MCPH1: variants seen among roughly 807,000 people sequenced by gnomAD.
MCPH1 encodes microcephalin 1.
A neutral mutation model predicts 84.5 loss-of-function variants in MCPH1; 104 were observed. The observed-to-expected ratio is 1.23, with a 90% confidence interval of 1.05 to 1.45. The LOEUF is 1.45. Ranked by LOEUF, MCPH1 falls within the 40% of genes most tolerant of loss-of-function variation. MCPH1 has a pLI of 0.00. For synonymous variants in MCPH1, 514 were observed against 366.8 expected, an observed-to-expected ratio of 1.40 and a Z score of -4.58; for missense variants, 1,498 against 1,005.7, an observed-to-expected ratio of 1.49 and a Z score of -6.62.
At chr8:6,586,721 C>G (rs1461209382) in intron 12 of MCPH1, among the ~76,000 whole-genome samples, 4 of 152,212 alleles carry the variant, frequency 2.6e-5, no homozygotes, top group East Asian at 3.8e-4. Context: ...GAGCTTCAAG[C>G]CATTCATTTC....
At position 6,419,674 on chromosome 8, in the gene MCPH1, G is replaced by A. The variant is rs201467246; in HGVS notation, c.233+4791G>A. ...GCCTTGGCCTCCCAAAGTGCAACCC[G>A]GCATTAAAGAATTTTTTTTATAGAG... On this transcript the variant is annotated intron_variant, in intron 3 of 13. Transcript: ENST00000344683. 4.0e-5 allele frequency among the ~76,000 whole-genome samples: 6 copies of A among 151,560 alleles called. No individual in the cohort carries two copies. In the East Asian group the frequency reaches 7.7e-4, roughly 20 times the overall value.
rs573257875 is a variant in MCPH1 at position 6,435,381 on chromosome 8, A to G, written c.322-667A>G. Among the ~76,000 whole-genome samples the G allele has an allele frequency of 9.2e-5, 14 of 152,042 alleles. No homozygotes were observed. In the South Asian group the frequency reaches 2.9e-3, roughly 32 times the overall value. On this transcript the variant is annotated intron_variant, in intron 4 of 13. Transcript: ENST00000344683. ...TTGCCTGGCAAGGAGACAGGAGGAA[A>G]CTCTCAAATCCGCCTCCCTGAGGTG... is the stretch of plus-strand genomic sequence containing the variant.
chr8:6,546,205 C>A (rs1487739019), intron 12 of MCPH1, among the ~76,000 whole-genome samples: 8 of 152,170 alleles, frequency 5.3e-5, no homozygotes, highest in Non-Finnish European at 1.2e-4. Context: ...GCCAAGGCAC[C>A]CTGGGTCCTT....
chr8:6,505,284 ATGT>A lies in MCPH1; in HGVS notation c.2214+5357_2214+5359del, dbSNP rs1372681193. On this transcript the variant is annotated intron_variant, in intron 12 of 13. Coordinates refer to ENST00000344683, the MANE Select transcript of MCPH1 (RefSeq NM_024596.5). Reference sequence around the variant, plus strand: ...GTTTTATATATATGTATACATATATATGTTATATACATATATATGTATATAACA... The same window carrying A: ...GTTTTATATATATGTATACATATATATATATACATATATATGTATATAACA... Among the ~76,000 whole-genome samples, 111 of 32,616 alleles carry A rather than the reference ATGT, an allele frequency of 3.4e-3. 6 individuals carry two copies. Among genetic ancestry groups the A allele is most frequent in the East Asian group, 0.012 (10 of 826 alleles). 21.4% of individuals were successfully genotyped at this position (32,616 alleles called of 152,430 possible). A position where few individuals can be genotyped will look rare whatever the true frequency, so the allele number is the denominator to read the frequency against.
chr8:6,543,534 C>G (rs887217358), intron 12 of MCPH1, among the ~76,000 whole-genome samples: 4 of 152,158 alleles, frequency 2.6e-5, no homozygotes, highest in Admixed American at 2.0e-4. Context: ...CGGAATAAAC[C>G]CGCCCAAACC....
intron 12 of MCPH1, chr8:6,615,521 G>T (rs1830703377): frequency 6.6e-6 from 1 of 152,334 alleles, no homozygotes; most frequent in Admixed American, 6.5e-5. Context: ...CAGGAGGCAG[G>T]TGCTGGGAGG....
chr8:6,626,981 T>G, intron 13 of MCPH1: 1 of 973,028 alleles, frequency 1.0e-6, no homozygotes, highest in Non-Finnish European at 1.2e-6. Flanking sequence ...TCAACAGCAT[T>G]GCCAAAAAAA....
At chr8:6,460,767 C>T (rs1054937206) in intron 9 of MCPH1, among the ~76,000 whole-genome samples, 1 of 151,908 alleles carries the variant, frequency 6.6e-6, no homozygotes, top group East Asian at 1.9e-4. Flanking sequence ...GCTAGCTGTC[C>T]CCTGGGAGTG....
chr8:6,602,021 C>T (rs760285572), intron 12 of MCPH1, among the ~76,000 whole-genome samples: 1 of 152,332 alleles, frequency 6.6e-6, no homozygotes, highest in Middle Eastern at 3.4e-3. Context: ...TGAATGCAGG[C>T]TCTGAAGAAT....
Position 6,575,033 on chromosome 8 carries a change from G to C in MCPH1, c.2215-46421G>C, listed in dbSNP as rs189766290. Among the ~76,000 whole-genome samples, 4 of 152,316 alleles carry C rather than the reference G, an allele frequency of 2.6e-5. No individual in the cohort carries two copies. In the East Asian group the frequency reaches 5.8e-4, roughly 22 times the overall value. On this transcript the variant is annotated intron_variant, in intron 12 of 13. Coordinates refer to ENST00000344683, the MANE Select transcript of MCPH1 (RefSeq NM_024596.5). ...TCTGGCCTGGCAGCTGCACAGATAG[G>C]ATTCTCAAGGGCTCGGAAGGGGAGA...
At chr8:6,608,911 C>T (rs990578650) in intron 12 of MCPH1, among the ~76,000 whole-genome samples, 1 of 152,116 alleles carries the variant, frequency 6.6e-6, no homozygotes, top group Admixed American at 6.5e-5. Flanking sequence ...GGGGTGGGGC[C>T]CCTAAAACAA....
At chr8:6,556,734 C>T (rs1050423746) in intron 12 of MCPH1, among the ~76,000 whole-genome samples, 1 of 152,174 alleles carries the variant, frequency 6.6e-6, no homozygotes, top group African/African-American at 2.4e-5. Context: ...CCACCTCAGC[C>T]TCCCAAGTAG....
chr8:6,412,625 C>T (rs1332879914), intron 2 of MCPH1, among the ~76,000 whole-genome samples: 1 of 152,126 alleles, frequency 6.6e-6, no homozygotes, highest in African/African-American at 2.4e-5. Flanking sequence ...AGGGGTTTTA[C>T]CAGACCCCCT....
chr8:6,427,831 C>T (rs1342022885), intron 3 of MCPH1, among the ~76,000 whole-genome samples: 8 of 151,154 alleles, frequency 5.3e-5, no homozygotes, highest in Admixed American at 1.3e-4. Flanking sequence ...GTCGCTCTGT[C>T]GCCCAGACTG....
intron 3 of MCPH1, among the ~76,000 whole-genome samples, chr8:6,426,561 T>A (rs1346304719): frequency 6.6e-6 from 1 of 152,268 alleles, no homozygotes; most frequent in Non-Finnish European, 1.5e-5. Flanking sequence ...ATTGTAGGCA[T>A]GTAGCTTGGT....
chr8:6,592,632 T>TG (rs1828575830), intron 12 of MCPH1, among the ~76,000 whole-genome samples: 1 of 141,688 alleles, frequency 7.1e-6, no homozygotes. Context: ...TGTTTTTTTT[T>TG]TTTTTTTTTT....
chr8:6,586,415 C>T (rs984310738), intron 12 of MCPH1, among the ~76,000 whole-genome samples: 1 of 152,240 alleles, frequency 6.6e-6, no homozygotes, highest in Non-Finnish European at 1.5e-5. Context: ...GCGCTCTGTC[C>T]TCCAGCCTCC....
intron 11 of MCPH1, among the ~76,000 whole-genome samples, chr8:6,496,812 G>T (rs1811282896): frequency 6.6e-6 from 1 of 152,132 alleles, no homozygotes; most frequent in South Asian, 2.1e-4. Flanking sequence ...TCCCAGTAGG[G>T]AGTCATTATT....
intron 12 of MCPH1, among the ~76,000 whole-genome samples, chr8:6,589,340 T>C (rs1171913357): frequency 6.6e-6 from 1 of 152,214 alleles, no homozygotes; most frequent in African/African-American, 2.4e-5. Flanking sequence ...GAGTGGAGAA[T>C]ATTTATATGC....
Sources: allele counts gnomAD v4.1 joint callset (sites outside exome capture counted in the v4.1 genomes callset), GRCh38; gene constraint gnomAD v4.1.1; transcripts MANE v1.5; gene names NCBI Gene and HGNC (gene_info 2026-07-23, HGNC 2026-07-21).